ANTXR2: variants seen among roughly 807,000 people sequenced by gnomAD.
ANTXR2 encodes ANTXR cell adhesion molecule 2, also known as anthrax toxin receptor 2.
ANTXR2 carries 44 observed loss-of-function variants against 73.7 expected under a neutral mutation model. The ratio of observed to expected loss-of-function variants is 0.60; its 90% CI spans 0.47 to 0.77. The LOEUF (loss-of-function observed/expected upper bound fraction) is 0.77. ANTXR2 is among the 30% of genes least tolerant of loss of function. The probability of loss-of-function intolerance (pLI) is 0.00; values close to 1 mark genes in which losing one functional copy is unlikely to be tolerated. For synonymous variants in ANTXR2, 217 were observed against 205.9 expected (o/e 1.05, Z -0.46); for missense variants, 604 against 592.5 (o/e 1.02, Z -0.20).
intron 16 of ANTXR2, among the ~76,000 whole-genome samples, chr4:79,959,282 T>C (rs116614983): frequency 0.014 from 2,181 of 152,174 alleles, 16 homozygotes; most frequent in Non-Finnish European, 0.024. Flanking sequence ...TTGCAGAAAA[T>C]AATTCAAACG....
chr4:79,952,195 AT>A (rs1728733483), intron 16 of ANTXR2, among the ~76,000 whole-genome samples: 1 of 150,214 alleles, frequency 6.7e-6, no homozygotes, highest in Non-Finnish European at 1.5e-5. Context: ...TTATATATAA[AT>A]ATATATCATA....
intron 16 of ANTXR2, among the ~76,000 whole-genome samples, chr4:79,929,719 G>GAT (rs1447171957): frequency 8.2e-5 from 11 of 133,804 alleles, no homozygotes; most frequent in Non-Finnish European, 1.6e-4. Context: ...TTTCCAAACT[G>GAT]ATATATATGC....
chr4:80,061,432 T>C (rs925773654), intron 3 of ANTXR2, among the ~76,000 whole-genome samples: 7 of 152,124 alleles, frequency 4.6e-5, no homozygotes, highest in African/African-American at 1.7e-4. Context: ...ATTTATATCA[T>C]AAGTAAATTA....
intron 16 of ANTXR2, among the ~76,000 whole-genome samples, chr4:79,910,540 AAAAG>A (rs1181446116): frequency 8.6e-5 from 13 of 151,720 alleles, no homozygotes; most frequent in African/African-American, 2.9e-4. Flanking sequence ...AAGAAAAAAA[AAAAG>A]AAAACAAAAA....
At chr4:80,002,636 G>A (rs1457287664) in intron 12 of ANTXR2, among the ~76,000 whole-genome samples, 1 of 151,590 alleles carries the variant, frequency 6.6e-6, no homozygotes, top group Non-Finnish European at 1.5e-5. Flanking sequence ...CTACAAAATG[G>A]GAGAAAATTT....
chr4:79,973,452 C>G (rs1048252056), intron 16 of ANTXR2, among the ~76,000 whole-genome samples: 9 of 150,938 alleles, frequency 6.0e-5, no homozygotes, highest in African/African-American at 2.2e-4. Flanking sequence ...GTTGTCCAGG[C>G]TGGAGGGCAG....
intron 16 of ANTXR2, among the ~76,000 whole-genome samples, chr4:79,918,588 G>T (rs1487343476): frequency 6.6e-6 from 1 of 152,092 alleles, no homozygotes; most frequent in Non-Finnish European, 1.5e-5. Flanking sequence ...TATCAATTAA[G>T]ATGTCTCCAT....
At chr4:79,965,276 A>G (rs1230899635) in intron 16 of ANTXR2, among the ~76,000 whole-genome samples, 1 of 152,238 alleles carries the variant, frequency 6.6e-6, no homozygotes, top group Non-Finnish European at 1.5e-5. Flanking sequence ...TTTCCTAGGT[A>G]GAAAACATGC....
At chr4:79,919,868 TA>T (rs1727508973) in intron 16 of ANTXR2, among the ~76,000 whole-genome samples, 2 of 2,114 alleles carry the variant, frequency 9.5e-4, no homozygotes, top group Admixed American at 4.9e-3. Flanking sequence ...ACATATTTTA[TA>T]TATATATATA....
chr4:80,027,731 T>C (rs1291232429), intron 10 of ANTXR2, among the ~76,000 whole-genome samples: 1 of 152,216 alleles, frequency 6.6e-6, no homozygotes, highest in Non-Finnish European at 1.5e-5. Context: ...TGTTTATGTA[T>C]ATTTACCCAA....
At chr4:79,979,328 G>A (rs956299852) in intron 14 of ANTXR2, among the ~76,000 whole-genome samples, 3 of 151,968 alleles carry the variant, frequency 2.0e-5, no homozygotes, top group East Asian at 3.9e-4. Context: ...GGTCAGAGGA[G>A]TGAAGCTCTA....
intron 12 of ANTXR2, among the ~76,000 whole-genome samples, chr4:79,990,081 T>G (rs1284716441): frequency 1.3e-5 from 2 of 152,054 alleles, no homozygotes; most frequent in Non-Finnish European, 2.9e-5. Flanking sequence ...AAGACAAGGA[T>G]GCCCACTCTC....
intron 16 of ANTXR2, among the ~76,000 whole-genome samples, chr4:79,929,346 C>T (rs1180158574): frequency 6.6e-6 from 1 of 152,082 alleles, no homozygotes; most frequent in East Asian, 1.9e-4. Flanking sequence ...AACCCCATCT[C>T]TACTAAAAAT....
intron 9 of ANTXR2, 49 bp downstream of exon 9, chr4:80,033,423 G>T: frequency 7.3e-7 from 1 of 1,374,968 alleles, no homozygotes; most frequent in Non-Finnish European, 1.0e-6. Flanking sequence ...ATTTGATGCT[G>T]ATGTGCTTTG....
At chr4:80,062,677 A>G (rs942465487) in intron 3 of ANTXR2, among the ~76,000 whole-genome samples, 1 of 152,218 alleles carries the variant, frequency 6.6e-6, no homozygotes, top group African/African-American at 2.4e-5. Flanking sequence ...TTTTAAGAAT[A>G]GAATAAATTT....
intron 16 of ANTXR2, among the ~76,000 whole-genome samples, chr4:79,920,226 A>T (rs2109943080): frequency 6.6e-6 from 1 of 152,152 alleles, no homozygotes; most frequent in Non-Finnish European, 1.5e-5. Context: ...GAGTTGAATC[A>T]TTGATTCCAG....
chr4:80,034,043 G>A lies in ANTXR2; in HGVS notation c.698-473C>T, dbSNP rs564681035. ...GTAGTACTTTCTTTAATCTATGCCT[G>A]TTCCATACAGAATTCTTCTTTAACC... On this transcript the variant is annotated intron_variant, in intron 8 of 16. Coordinates refer to ENST00000403729, the MANE Select transcript of ANTXR2 (RefSeq NM_058172.6). 4.6e-5 allele frequency among the ~76,000 whole-genome samples: 7 copies of A among 152,148 alleles called. No individual in the cohort carries two copies. The South Asian group carries it at 1.5e-3, about 32-fold the overall frequency.
At chr4:79,980,347 ATATGTG>A (rs1261415183) in intron 14 of ANTXR2, among the ~76,000 whole-genome samples, 7 of 152,302 alleles carry the variant, frequency 4.6e-5, no homozygotes, top group South Asian at 4.1e-4. Context: ...ATATACATAT[ATATGTG>A]TATGTGTATG....
In ANTXR2 at chr4:80,035,986, C is replaced by T. The variant is rs1433938945; in HGVS notation, c.683G>A (p.Ser228Asn). The change falls in exon 8 of 17, where the codon AGT becomes AAT. Residue 228 changes from serine to asparagine, a missense_variant. Ser to Asn is a conservative substitution (Grantham distance 46). Coordinates refer to ENST00000403729, the MANE Select transcript of ANTXR2 (RefSeq NM_058172.6). ...TAAACACTTACCCCCCACACAGACA[C>T]TTGAGGGCTGCAATTCTAGGATTTC... ...CTEILELQPS[S>N]VCVGEEFQIV... The T allele has an allele frequency of 1.9e-6, 3 of 1,539,798 alleles. No homozygotes were observed. Among genetic ancestry groups the T allele is most frequent in the South Asian group, 2.5e-5 (2 of 78,874 alleles).
Sources: gnomAD v4.1 joint callset for allele counts (sites outside exome capture counted in the v4.1 genomes callset) on GRCh38, gnomAD v4.1.1 for gene constraint, MANE v1.5 for transcripts, NCBI Gene and HGNC (gene_info 2026-07-23, HGNC 2026-07-21) for gene names.